Variants in NRG2 observed in about 807,000 individuals in gnomAD.
The protein encoded by NRG2 is pro-neuregulin-2, membrane-bound isoform.
In NRG2, 27 loss-of-function variants were observed where a neutral mutation model predicts 73.9. That is an observed-to-expected ratio of 0.37 (90% CI 0.27 to 0.50). The LOEUF is 0.50. Ranked by LOEUF, NRG2 falls within the 20% of genes least tolerant of loss-of-function variation. NRG2 has a pLI of 0.96. For synonymous variants in NRG2, 532 were observed against 541.0 expected, an observed-to-expected ratio of 0.98 and a Z score of 0.23; for missense variants, 1,126 against 1,210.1, an observed-to-expected ratio of 0.93 and a Z score of 1.03.
chr5:139,991,677 G>A (rs1008406033), intron 1 of NRG2, among the ~76,000 whole-genome samples: 5 of 152,150 alleles, frequency 3.3e-5, no homozygotes, highest in Non-Finnish European at 5.9e-5. Context: ...GATTACAGGC[G>A]TGAGCCACTG....
chr5:139,925,609 C>G (rs572151177), intron 1 of NRG2, among the ~76,000 whole-genome samples: 2 of 152,352 alleles, frequency 1.3e-5, no homozygotes, highest in South Asian at 4.1e-4. Context: ...GTCCTTCTAT[C>G]TGTAGATAAG....
chr5:139,959,533 C>T (rs769148046), intron 1 of NRG2, among the ~76,000 whole-genome samples: 1 of 152,214 alleles, frequency 6.6e-6, no homozygotes, highest in South Asian at 2.1e-4. Flanking sequence ...TGCGCCACCA[C>T]GCCCAGCTAA....
In NRG2 at chr5:140,008,535, A is replaced by G. The variant is rs1759087317; in HGVS notation, c.700+33835T>C. ...TACTAAACCAAGTTTCCCTACAGTGAGCTCATCTTTACCTGAGCTAGCTTG... is the reference window on the plus strand; with the variant it reads ...TACTAAACCAAGTTTCCCTACAGTGGGCTCATCTTTACCTGAGCTAGCTTG... On this transcript the variant is annotated intron_variant, in intron 1 of 9. Transcript: ENST00000361474. This position sits in a 1 kb window ranked among gnomAD's most constrained non-coding sequence, Gnocchi z 4.2. Among the ~76,000 whole-genome samples, 1 of 152,230 alleles carries G rather than the reference A, an allele frequency of 6.6e-6. No homozygotes were observed.
intron 2 of NRG2, among the ~76,000 whole-genome samples, chr5:139,882,533 T>C (rs1763587805): frequency 2.0e-5 from 3 of 152,192 alleles, no homozygotes; most frequent in Non-Finnish European, 4.4e-5. Flanking sequence ...TCAATTATAA[T>C]TTGTTCCCTT....
intron 1 of NRG2, among the ~76,000 whole-genome samples, chr5:139,988,980 C>T (rs1054419042): frequency 6.6e-6 from 1 of 151,844 alleles, no homozygotes; most frequent in African/African-American, 2.4e-5. Context: ...ATAAAATTGG[C>T]CCCGGTCTCA....
intron 1 of NRG2, among the ~76,000 whole-genome samples, chr5:139,899,976 C>T (rs566390469): frequency 1.3e-5 from 2 of 152,334 alleles, no homozygotes; most frequent in East Asian, 3.9e-4. Flanking sequence ...AATACCTATA[C>T]TTTATAGTAT....
intron 1 of NRG2, among the ~76,000 whole-genome samples, chr5:139,999,607 G>A (rs1382146057): frequency 6.6e-6 from 1 of 152,216 alleles, no homozygotes; most frequent in Non-Finnish European, 1.5e-5. Context: ...CAAGAAGAAT[G>A]ATTATAGTAC....
At chr5:139,926,232 G>T (rs545313230) in intron 1 of NRG2, among the ~76,000 whole-genome samples, 1 of 152,364 alleles carries the variant, frequency 6.6e-6, no homozygotes, top group South Asian at 2.1e-4. Context: ...CTCTGCCAGG[G>T]TCAGCATGGC....
chr5:140,042,755 G>A lies in NRG2; in HGVS notation c.315C>T (p.Leu105=), dbSNP rs557197099. ...RDPAPGFSML[L]FGVSLACYSP... The stretch of plus-strand genomic sequence containing the variant: ...AGTAGCAGGCGAGCGACACACCGAA[G>A]AGCAGCATGGAGAAGCCGGGGGCCG... Residue 105 remains leucine, a synonymous_variant, in exon 1 of 10, where the codon CTC becomes CTT. Coordinates refer to ENST00000361474, the MANE Select transcript of NRG2 (RefSeq NM_004883.3). 6.4e-6 allele frequency: 10 copies of A among 1,552,974 alleles called. 1 individual carries two copies. The South Asian group carries it at 1.1e-4, about 17-fold the overall frequency.
chr5:139,897,563 T>A (rs1314082237), intron 1 of NRG2, among the ~76,000 whole-genome samples: 1 of 152,204 alleles, frequency 6.6e-6, no homozygotes, highest in Admixed American at 6.5e-5. Context: ...GGGCATGTGC[T>A]GCAGAATCGC....
chr5:139,897,689 A>G (rs919452340), intron 1 of NRG2, among the ~76,000 whole-genome samples: 1 of 152,186 alleles, frequency 6.6e-6, no homozygotes, highest in Non-Finnish European at 1.5e-5. Flanking sequence ...GCCCAGATCA[A>G]GACTGCTGTG....
At chr5:139,997,455 G>A (rs905049744) in intron 1 of NRG2, among the ~76,000 whole-genome samples, 3 of 152,228 alleles carry the variant, frequency 2.0e-5, no homozygotes, top group Non-Finnish European at 4.4e-5. Flanking sequence ...GGCTCTAAGG[G>A]GTTAACTAGT....
rs552957900 is a variant in NRG2, at chr5:140,040,648, A to G, written c.700+1722T>C. Among the ~76,000 whole-genome samples the G allele has an allele frequency of 9.2e-5, 14 of 152,264 alleles. No homozygotes were observed. The South Asian group carries it at 2.9e-3, about 32-fold the overall frequency. On this transcript the variant is annotated intron_variant, in intron 1 of 9. Coordinates refer to ENST00000361474, the MANE Select transcript of NRG2 (RefSeq NM_004883.3). ...CAAATGCAGGAGCAACTCACCAACA[A>G]CCAAACAGAAGCTGTCCTTGGACAA...
At position 139,848,407 on chromosome 5, in the gene NRG2, C is replaced by A; in HGVS notation, c.2063G>T (p.Arg688Leu). The A allele has an allele frequency of 7.9e-7, 1 of 1,268,012 alleles. No homozygotes were observed. Among genetic ancestry groups the A allele is most frequent in the East Asian group, 3.2e-5 (1 of 30,820 alleles). 78.5% of individuals were successfully genotyped at this position (1,268,012 alleles called of 1,614,324 possible). ...GCTGCCGCCGAGCGCGCAGGTCCCG[C>A]GCCGCGGTCCGGGCCCCGCCGCGGG... Reference protein sequence around the residue: ...YYPAAGPGPRRGTCALGGSLG... With the variant: ...YYPAAGPGPRLGTCALGGSLG... Residue 688 changes from arginine to leucine, a missense_variant, in exon 10 of 10, where the codon CGC becomes CTC. Arg to Leu is a moderately radical substitution (Grantham distance 102). Transcript: ENST00000361474.
chr5:139,856,824 CACAG>C lies in NRG2; in HGVS notation c.1190-1050_1190-1047del, dbSNP rs1434658603. ...CCTGCACACACAACATATGCACACA[CACAG>C]AGTTAACCACACACTCCAGCAACAG... On this transcript the variant is annotated intron_variant, in intron 5 of 9. Transcript: ENST00000361474. This position sits in a 1 kb window ranked among gnomAD's most constrained non-coding sequence, Gnocchi z 4.2. Among the ~76,000 whole-genome samples, 1 of 152,204 alleles carries C rather than the reference CACAG, an allele frequency of 6.6e-6. No individual in the cohort carries two copies. Among genetic ancestry groups the C allele is most frequent in the Non-Finnish European group, 1.5e-5 (1 of 68,030 alleles).
At position 139,904,301 on chromosome 5, in the gene NRG2, C is replaced by A. The variant is rs777340707; in HGVS notation, c.701-16790G>T. 14 of 1,589,558 alleles carry A rather than the reference C, an allele frequency of 8.8e-6. No homozygotes were observed. Among genetic ancestry groups the A allele is most frequent in the Non-Finnish European group, 1.2e-5 (14 of 1,176,410 alleles). ...CCGGGTTTCTGGGCGCGCGGAGGTG[C>A]CCTACCTTTCTCCCCGGGATCGGGC... is the stretch of plus-strand genomic sequence containing the variant. On this transcript the variant is annotated intron_variant, in intron 1 of 9. Coordinates refer to ENST00000361474, the MANE Select transcript of NRG2 (RefSeq NM_004883.3). This position sits in a 1 kb window ranked among gnomAD's most constrained non-coding sequence, Gnocchi z 6.0.
intron 1 of NRG2, among the ~76,000 whole-genome samples, chr5:139,919,596 G>A (rs957554305): frequency 3.3e-5 from 5 of 152,050 alleles, no homozygotes; most frequent in Admixed American, 1.3e-4. Flanking sequence ...AGATAGTAGA[G>A]GATACAGCAA....
intron 1 of NRG2, among the ~76,000 whole-genome samples, chr5:140,017,151 A>C (rs1759851687): frequency 6.6e-6 from 1 of 152,238 alleles, no homozygotes; most frequent in Non-Finnish European, 1.5e-5. Context: ...AGTAAAAAGC[A>C]GATAGACTCC....
At chr5:139,879,313 A>G (rs1241116503) in intron 3 of NRG2, among the ~76,000 whole-genome samples, 1 of 152,166 alleles carries the variant, frequency 6.6e-6, no homozygotes, top group East Asian at 1.9e-4. Context: ...GCTAGAATTC[A>G]AGAGATGCCA....
Sources: gnomAD v4.1 joint callset for allele counts (sites outside exome capture counted in the v4.1 genomes callset) on GRCh38, gnomAD v4.1.1 for gene constraint, Gnocchi (gnomAD v3.1) non-coding constraint, MANE v1.5 for transcripts, NCBI Gene and HGNC (gene_info 2026-07-23, HGNC 2026-07-21) for gene names.